TBC1D4: variants seen among roughly 807,000 people sequenced by gnomAD.
The protein encoded by TBC1D4 is TBC1 domain family member 4, also known as TBC (Tre-2, BUB2, CDC16) domain-containing protein.
Under a neutral mutation model 142.5 loss-of-function variants are expected in TBC1D4, and 121 were observed. The observed-to-expected ratio is 0.85, with a 90% confidence interval of 0.73 to 0.99. The LOEUF is 0.99. TBC1D4 is among the 50% of genes least tolerant of loss of function. The pLI is 0.00. For missense variants in TBC1D4, 1,475 were observed against 1,606.6 expected (o/e 0.92, Z 1.40); for synonymous variants, 630 against 628.2 (o/e 1.00, Z -0.04).
At chr13:75,386,842 A>G (rs1593826696) in intron 1 of TBC1D4, among the ~76,000 whole-genome samples, 2 of 152,122 alleles carry the variant, frequency 1.3e-5, no homozygotes, top group Non-Finnish European at 2.9e-5. Context: ...GAATACGCAG[A>G]CTCATTCTAA....
At chr13:75,308,203 A>G (rs1379580185) in intron 14 of TBC1D4, among the ~76,000 whole-genome samples, 2 of 152,248 alleles carry the variant, frequency 1.3e-5, no homozygotes, top group Non-Finnish European at 2.9e-5. Context: ...GTAGGCAGAG[A>G]AACAGAGAAC....
chr13:75,459,201 G>T (rs930661755), intron 1 of TBC1D4, among the ~76,000 whole-genome samples: 6 of 152,248 alleles, frequency 3.9e-5, no homozygotes, highest in African/African-American at 7.2e-5. Flanking sequence ...TAGCTTCAAG[G>T]TCGTTCTTTT....
chr13:75,327,901 G>T, intron 8 of TBC1D4, 75 bp from the exon 9 acceptor site: 1 of 1,479,738 alleles, frequency 6.8e-7, no homozygotes, highest in Non-Finnish European at 9.4e-7. Context: ...GGTAGTTCCA[G>T]GTGGTCTCTT....
rs143753814 is a variant in TBC1D4 at position 75,302,232 on chromosome 13, G to A, written c.2911+11C>T. The A allele has an allele frequency of 3.4e-4, 550 of 1,614,046 alleles. 5 individuals carry two copies. In the East Asian group the frequency reaches 0.012, roughly 35 times the overall value. ...TACTTTTGTAAATTATAATCCACAT[G>A]ACAAACATACCTAAATCCACGAGAA... On this transcript the variant is annotated intron_variant, in intron 16 of 20. Coordinates refer to ENST00000377636, the MANE Select transcript of TBC1D4 (RefSeq NM_014832.5).
At chr13:75,330,680 G>C (rs1879672308) in intron 8 of TBC1D4, among the ~76,000 whole-genome samples, 1 of 152,190 alleles carries the variant, frequency 6.6e-6, no homozygotes, top group Non-Finnish European at 1.5e-5. Context: ...CTAAACTAAA[G>C]CTCTGTGAAA....
chr13:75,418,699 T>C (rs1452626103), intron 1 of TBC1D4, among the ~76,000 whole-genome samples: 1 of 152,182 alleles, frequency 6.6e-6, no homozygotes, highest in Non-Finnish European at 1.5e-5. Flanking sequence ...CAATTGCTAA[T>C]AATTTCTCAG....
At chr13:75,355,468 C>T (rs1881965308) in intron 4 of TBC1D4, among the ~76,000 whole-genome samples, 1 of 152,096 alleles carries the variant, frequency 6.6e-6, no homozygotes, top group African/African-American at 2.4e-5. Context: ...TTGAACTCTG[C>T]AATACAAAAT....
At chr13:75,387,123 T>C (rs1463364733) in intron 1 of TBC1D4, among the ~76,000 whole-genome samples, 3 of 152,214 alleles carry the variant, frequency 2.0e-5, no homozygotes, top group East Asian at 1.9e-4. Context: ...AAATATTTTA[T>C]GAAAATAGCT....
At chr13:75,445,529 A>C (rs983658506) in intron 1 of TBC1D4, among the ~76,000 whole-genome samples, 2 of 152,228 alleles carry the variant, frequency 1.3e-5, no homozygotes, top group Admixed American at 6.5e-5. Flanking sequence ...AATCCTTTCT[A>C]AACTGTAAAA....
intron 18 of TBC1D4, among the ~76,000 whole-genome samples, chr13:75,292,689 A>G (rs976025930): frequency 6.6e-6 from 1 of 151,874 alleles, no homozygotes; most frequent in African/African-American, 2.4e-5. Flanking sequence ...TAAATGAACC[A>G]GCTATGTAAT....
chr13:75,320,867 C>CAAAAA (rs148657060), intron 11 of TBC1D4, among the ~76,000 whole-genome samples: 4 of 84,378 alleles, frequency 4.7e-5, no homozygotes, highest in African/African-American at 4.9e-5. Flanking sequence ...ACTAAAAATA[C>CAAAAA]AAAAAAAAAA....
chr13:75,336,871 G>C, intron 8 of TBC1D4, 50 bp downstream of exon 8: 1 of 1,610,646 alleles, frequency 6.2e-7, no homozygotes. Context: ...AAGCTAAACT[G>C]TTAGAAAACA....
At chr13:75,352,043 G>C (rs1881647860) in intron 4 of TBC1D4, among the ~76,000 whole-genome samples, 1 of 152,128 alleles carries the variant, frequency 6.6e-6, no homozygotes, top group East Asian at 1.9e-4. Flanking sequence ...CTTGTCCCTA[G>C]GCTGAATGAT....
chr13:75,295,033 G>GA lies in TBC1D4; in HGVS notation c.3157-21dup, dbSNP rs753841606. The GA allele has an allele frequency of 8.1e-6, 13 of 1,609,698 alleles. No homozygotes were observed. Among genetic ancestry groups the GA allele is most frequent in the Middle Eastern group, 1.7e-4 (1 of 6,044 alleles). ...TTGAATCTAAAGTTAATTTGGAGAA[G>GA]AAAAAAAATATTATGCATTTATCTG... On this transcript the variant is annotated intron_variant, in intron 17 of 20. Transcript: ENST00000377636.
intron 16 of TBC1D4, among the ~76,000 whole-genome samples, chr13:75,301,968 C>A (rs1325290384): frequency 6.6e-6 from 1 of 152,126 alleles, no homozygotes; most frequent in African/African-American, 2.4e-5. Flanking sequence ...ACTGAGAGCA[C>A]CCCATAATAT....
intron 1 of TBC1D4, chr13:75,375,616 C>T (rs1169436652): frequency 6.6e-6 from 1 of 152,068 alleles, no homozygotes; most frequent in Admixed American, 6.6e-5. Context: ...CATTAAATAT[C>T]AAAGGTGCAG....
intron 1 of TBC1D4, among the ~76,000 whole-genome samples, chr13:75,455,920 A>G (rs1467795450): frequency 2.0e-5 from 3 of 152,146 alleles, no homozygotes; most frequent in Non-Finnish European, 4.4e-5. Flanking sequence ...TCAACTGCCT[A>G]ACTCAAGAAG....
intron 1 of TBC1D4, among the ~76,000 whole-genome samples, chr13:75,459,132 G>A (rs928185290): frequency 6.6e-6 from 1 of 152,096 alleles, no homozygotes; most frequent in African/African-American, 2.4e-5. Context: ...ACGCTGATCC[G>A]CTCCAGTCCT....
chr13:75,375,772 C>G lies in TBC1D4; in HGVS notation c.499-13165G>C, dbSNP rs972475426. The G allele has an allele frequency of 6.4e-5, 8 of 125,676 alleles. 1 individual carries two copies. Among genetic ancestry groups the G allele is most frequent in the Non-Finnish European group, 1.1e-4 (7 of 61,530 alleles). The allele number at this position is 125,676 out of a possible 1,614,324, so 7.8% of individuals were successfully genotyped here. On this transcript the variant is annotated intron_variant, in intron 1 of 20. Transcript: ENST00000377636. ...GACATTCCCCTACTGCCCCACCCCC[C>G]CCACACACACACATAATGGATTCTC...
Sources: gnomAD v4.1 joint callset for allele counts (sites outside exome capture counted in the v4.1 genomes callset) on GRCh38, gnomAD v4.1.1 for gene constraint, MANE v1.5 for transcripts, NCBI Gene and HGNC (gene_info 2026-07-23, HGNC 2026-07-21) for gene names.